ZNF723: variants seen among roughly 807,000 people sequenced by gnomAD.
ZNF723 encodes the protein zinc finger protein 723, pseudogene.
Under a neutral mutation model 9.4 loss-of-function variants are expected in ZNF723, and 5 were observed. The ratio of observed to expected loss-of-function variants is 0.53; its 90% CI spans 0.28 to 1.12. ZNF723 has a LOEUF of 1.12. ZNF723 is among the 50% of genes most tolerant of loss of function. ZNF723 has a pLI of 0.10. For missense variants in ZNF723, 450 were observed against 501.5 expected, an observed-to-expected ratio of 0.90 and a Z score of 0.98; for synonymous variants, 158 against 168.8, an observed-to-expected ratio of 0.94 and a Z score of 0.49.
In ZNF723 at chr19:22,854,838, G is replaced by A. The variant is rs181112329; in HGVS notation, c.227-2280G>A. 4.3e-3 allele frequency among the ~76,000 whole-genome samples: 654 copies of A among 152,058 alleles called. 5 individuals are homozygous for A. The highest frequency in any genetic ancestry group is 0.015 in the African/African-American group (627 of 41,510). On this transcript the variant is annotated intron_variant, in intron 3 of 3. Transcript: ENST00000600766. ...TGAGGTGGACAGATCACTTGAGGTC[G>A]GGAGTTCGAGTCCAGCCTGACCAAC... is the stretch of plus-strand genomic sequence containing the variant.
At chr19:22,848,168 T>G in intron 1 of ZNF723, 93 bp from the exon 2 acceptor site, 1 of 534,864 alleles carries the variant, frequency 1.9e-6, no homozygotes, top group Non-Finnish European at 3.3e-6. Flanking sequence ...CCTGTTCTCT[T>G]TACTCTCTCA....
Position 22,857,494 on chromosome 19 carries a change from C to A in ZNF723, c.603C>A (p.Tyr201Ter), listed in dbSNP as rs1967496174. The A allele has an allele frequency of 2.6e-6, 3 of 1,169,454 alleles. No individual in the cohort carries two copies. The highest frequency in any genetic ancestry group is 1.8e-5 in the Admixed American group (1 of 56,998). 72.4% of individuals were successfully genotyped at this position (1,169,454 alleles called of 1,614,324 possible). The change falls in exon 4 of 4, where the codon TAC becomes TAA. Residue 201 changes from tyrosine to a stop codon, truncating the protein, a stop_gained. Coordinates refer to ENST00000600766, the MANE Select transcript of ZNF723 (RefSeq NM_001349726.2). LOFTEE classifies it low-confidence loss of function (END_TRUNC). ...GAAATCATACTAGAGTGAATTGTTACAAATGTGAAGAATGTGGCAAAGCCT... is the reference window on the plus strand; with the variant it reads ...GAAATCATACTAGAGTGAATTGTTAAAAATGTGAAGAATGTGGCAAAGCCT... ...HERNHTRVNC[Y>*]KCEECGKAFS...
chr19:22,820,154 T>G, the ZNF723 span, among the ~76,000 whole-genome samples: 2 of 152,162 alleles, frequency 1.3e-5, no homozygotes, highest in South Asian at 4.1e-4. Context: ...GGAAATCTCC[T>G]TTCTCTGCCA....
intron 3 of ZNF723, among the ~76,000 whole-genome samples, 178 bp downstream of exon 3, chr19:22,849,471 A>T (rs1350569988): frequency 1.3e-5 from 2 of 152,162 alleles, no homozygotes; most frequent in Admixed American, 6.5e-5. Flanking sequence ...TGTGCTATTA[A>T]ATTTTCTAAG....
rs114761095 is a variant in ZNF723, at chr19:22,841,325, C to T, written c.4-6936C>T. On this transcript the variant is annotated intron_variant, in intron 1 of 3. Coordinates refer to ENST00000600766, the MANE Select transcript of ZNF723 (RefSeq NM_001349726.2). ...TGCCAGGTGAATTTAGGATGAACTA[C>T]ATATGACATGGTGCTGTAAATTTTT... Among the ~76,000 whole-genome samples the T allele has an allele frequency of 7.3e-3, 1,119 of 152,308 alleles. 10 individuals carry two copies. Among genetic ancestry groups the T allele is most frequent in the African/African-American group, 0.026 (1,061 of 41,574 alleles).
At chr19:22,823,275 G>C in the ZNF723 span, among the ~76,000 whole-genome samples, 15 of 152,258 alleles carry the variant, frequency 9.9e-5, no homozygotes, top group Admixed American at 9.2e-4. Flanking sequence ...TGGTATGCAC[G>C]CCCAGTTCAC....
the ZNF723 span, among the ~76,000 whole-genome samples, chr19:22,826,262 C>G: frequency 2.0e-5 from 3 of 152,196 alleles, no homozygotes; most frequent in African/African-American, 4.8e-5. Flanking sequence ...ATGTGATGCT[C>G]TAGCCTGGTC....
At chr19:22,822,172 C>A in the ZNF723 span, among the ~76,000 whole-genome samples, 1 of 152,170 alleles carries the variant, frequency 6.6e-6, no homozygotes, top group Non-Finnish European at 1.5e-5. Flanking sequence ...ATAATAGGGT[C>A]TACCACACAG....
At chr19:22,835,375 G>A (rs1049326542) in intron 1 of ZNF723, among the ~76,000 whole-genome samples, 2 of 151,396 alleles carry the variant, frequency 1.3e-5, no homozygotes, top group African/African-American at 2.4e-5. Context: ...AGATTTGTTT[G>A]CTTATATTGA....
At chr19:22,823,074 A>G in the ZNF723 span, among the ~76,000 whole-genome samples, 7 of 152,178 alleles carry the variant, frequency 4.6e-5, no homozygotes, top group African/African-American at 1.7e-4. Context: ...GAGAACTCTC[A>G]CACCTGGATC....
chr19:22,836,144 AC>A (rs1967163816), intron 1 of ZNF723, among the ~76,000 whole-genome samples: 1 of 152,144 alleles, frequency 6.6e-6, no homozygotes, highest in Admixed American at 6.6e-5. Context: ...TATTAAAGGC[AC>A]CGTTAGTTCT....
At chr19:22,841,529 A>G (rs1170237364) in intron 1 of ZNF723, among the ~76,000 whole-genome samples, 1 of 152,224 alleles carries the variant, frequency 6.6e-6, no homozygotes, top group Non-Finnish European at 1.5e-5. Flanking sequence ...TATTTTCCAC[A>G]CACTGTCTAG....
chr19:22,839,749 ACAGGCATGAGCCACTGCGCTTGG>A, intron 1 of ZNF723, among the ~76,000 whole-genome samples: 1 of 152,272 alleles, frequency 6.6e-6, no homozygotes, highest in Non-Finnish European at 1.5e-5. Context: ...TGCTAGGATT[ACAGGCATGAGCCACTGCGCTTGG>A]CCCTGCATCT....
In ZNF723 at chr19:22,858,173, A is replaced by G; in HGVS notation, c.1282A>G (p.Lys428Glu). The G allele has an allele frequency of 7.1e-7, 1 of 1,405,258 alleles. No individual in the cohort carries two copies. The highest frequency in any genetic ancestry group is 1.0e-6 in the Non-Finnish European group (1 of 992,242). 87.0% of individuals were successfully genotyped at this position (1,405,258 alleles called of 1,614,324 possible). A position where few individuals can be genotyped will look rare whatever the true frequency, so the allele number is the denominator to read the frequency against. The change falls in exon 4 of 4, where the codon AAA becomes GAA. Residue 428 changes from lysine to glutamate, a missense_variant. By Grantham distance (56) the Lys-to-Glu change is moderately conservative. Transcript: ENST00000600766. Reference protein sequence around the residue: ...IHTGERPYKCKQCGKGFSQSS... With the variant: ...IHTGERPYKCEQCGKGFSQSS... Reference sequence around the variant, plus strand: ...TACTGGAGAAAGACCTTACAAATGTAAACAATGTGGTAAAGGTTTTAGCCA... The same window carrying G: ...TACTGGAGAAAGACCTTACAAATGTGAACAATGTGGTAAAGGTTTTAGCCA...
chr19:22,813,127 C>T, the ZNF723 span, among the ~76,000 whole-genome samples: 1 of 152,128 alleles, frequency 6.6e-6, no homozygotes, highest in Non-Finnish European at 1.5e-5. Context: ...GCACCCGCCA[C>T]CATGCCTGGC....
chr19:22,857,062 G>A (rs746604457), intron 3 of ZNF723, 56 bp from the exon 4 acceptor site: 2 of 655,486 alleles, frequency 3.1e-6, no homozygotes, highest in Non-Finnish European at 5.2e-6. Context: ...GATTTGTAAA[G>A]TATATCCATC....
At chr19:22,850,058 G>A (rs1967370919) in intron 3 of ZNF723, among the ~76,000 whole-genome samples, 1 of 150,942 alleles carries the variant, frequency 6.6e-6, no homozygotes, top group Admixed American at 6.6e-5. Flanking sequence ...TATTAGTATA[G>A]TCTTGAAATA....
At chr19:22,851,616 T>C (rs1481140003) in intron 3 of ZNF723, among the ~76,000 whole-genome samples, 4 of 152,186 alleles carry the variant, frequency 2.6e-5, no homozygotes, top group Non-Finnish European at 5.9e-5. Flanking sequence ...TCTGACTGTC[T>C]TTGCCTCCTA....
At chr19:22,839,489 CAG>C (rs750311121) in intron 1 of ZNF723, among the ~76,000 whole-genome samples, 39 of 132,802 alleles carry the variant, frequency 2.9e-4, no homozygotes, top group Non-Finnish European at 4.7e-4. Context: ...TTTTTTGAGA[CAG>C]AGTCTCACTC....
Sources: gnomAD v4.1 joint callset for allele counts (sites outside exome capture counted in the v4.1 genomes callset) on GRCh38, gnomAD v4.1.1 for gene constraint, MANE v1.5 for transcripts, NCBI Gene and HGNC (gene_info 2026-07-23, HGNC 2026-07-21) for gene names.